GIN1: variants seen among roughly 807,000 people sequenced by gnomAD.
GIN1 encodes gypsy retrotransposon integrase-like protein 1.
In GIN1, 41 loss-of-function variants were observed where a neutral mutation model predicts 51.4. That is an observed-to-expected ratio of 0.80 (90% confidence interval 0.62 to 1.04). GIN1 has a LOEUF of 1.04. Among genes scored for constraint, GIN1 ranks in the 50% least tolerant of loss-of-function variants. GIN1 has a pLI of 0.00. For synonymous variants in GIN1, 222 were observed against 206.5 expected (o/e 1.07, Z -0.64); for missense variants, 610 against 612.4 (o/e 1.00, Z 0.04).
intron 4 of GIN1, among the ~76,000 whole-genome samples, chr5:103,100,069 A>C (rs1787526099): frequency 6.6e-6 from 1 of 151,896 alleles, no homozygotes. Flanking sequence ...AAGCAATCTC[A>C]CAAAATAGGC....
chr5:103,097,311 C>A lies in GIN1; in HGVS notation c.1008+3G>T. The A allele has an allele frequency of 6.5e-7, 1 of 1,546,096 alleles. No homozygotes were observed. The highest frequency in any genetic ancestry group is 8.9e-7 in the Non-Finnish European group (1 of 1,124,566). On this transcript the variant is annotated splice_donor_region_variant and intron_variant, in intron 6 of 7. Coordinates refer to ENST00000399004, the MANE Select transcript of GIN1 (RefSeq NM_017676.2). ...TTACAGTTTTTCTATTGAATAGAAT[C>A]ACCTGGCCCAGTGAAGTTGTCTTAT...
At chr5:103,113,912 T>C (rs1035984463) in intron 1 of GIN1, among the ~76,000 whole-genome samples, 3 of 152,230 alleles carry the variant, frequency 2.0e-5, no homozygotes, top group African/African-American at 7.2e-5. Context: ...ACCATGGCAC[T>C]AATGATATCT....
intron 7 of GIN1, among the ~76,000 whole-genome samples, chr5:103,094,154 A>T (rs1787330023): frequency 6.6e-6 from 1 of 152,130 alleles, no homozygotes; most frequent in African/African-American, 2.4e-5. Flanking sequence ...CAGCTCAAGG[A>T]CTCTTTCAAA....
chr5:103,094,248 T>C (rs1288040472), intron 7 of GIN1, among the ~76,000 whole-genome samples: 1 of 152,046 alleles, frequency 6.6e-6, no homozygotes, highest in Non-Finnish European at 1.5e-5. Flanking sequence ...ATGGCAGAAA[T>C]CACATTTACT....
At chr5:103,112,773 G>GT (rs1554197024) in intron 1 of GIN1, among the ~76,000 whole-genome samples, 1 of 152,000 alleles carries the variant, frequency 6.6e-6, no homozygotes, top group Non-Finnish European at 1.5e-5. Flanking sequence ...CTTTTTAATA[G>GT]TTTTTTGCCT....
intron 7 of GIN1, among the ~76,000 whole-genome samples, chr5:103,091,506 T>C (rs1554194530): frequency 6.6e-6 from 1 of 152,232 alleles, no homozygotes; most frequent in Non-Finnish European, 1.5e-5. Context: ...TAAGTATTTA[T>C]CTTTTCTCAT....
intron 7 of GIN1, among the ~76,000 whole-genome samples, chr5:103,093,967 G>A (rs1316332313): frequency 3.9e-5 from 6 of 152,180 alleles, no homozygotes; most frequent in Admixed American, 3.9e-4. Flanking sequence ...GGCAATAGAA[G>A]TATATCTACT....
intron 7 of GIN1, among the ~76,000 whole-genome samples, chr5:103,090,910 C>T (rs1787220053): frequency 6.6e-6 from 1 of 151,920 alleles, no homozygotes; most frequent in South Asian, 2.1e-4. Context: ...AACACACACA[C>T]ACACACACAC....
At chr5:103,107,327 T>C (rs1393852183) in intron 2 of GIN1, among the ~76,000 whole-genome samples, 1 of 144,668 alleles carries the variant, frequency 6.9e-6, no homozygotes, top group Admixed American at 6.9e-5. Context: ...AATAATGTTT[T>C]ATCATCACTG....
At position 103,108,655 on chromosome 5, in the gene GIN1, T is replaced by C. The variant is rs782355070; in HGVS notation, c.53A>G (p.Tyr18Cys). ...TGAATGATATTCACCAGTTCGTTTG[T>C]AATATGCAATCTGTTTAAGATGAAG... ...GDLHLKQIAY[Y>C]KRTGEYHSTT... Residue 18 changes from tyrosine (Y) to cysteine (C), a missense_variant, in exon 2 of 8, where the codon TAC becomes TGC. Transcript: ENST00000399004. 6.2e-7 allele frequency: 1 copy of C among 1,603,340 alleles called. No homozygotes were observed. The highest frequency in any genetic ancestry group is 2.2e-5 in the East Asian group (1 of 44,726).
Position 103,088,106 on chromosome 5 carries a change from G to C in GIN1, c.1361C>G (p.Pro454Arg). ...DHDYIGLPEI[P>R]IGAYQANILV... ...AATATTTGCTTGATATGCTCCAATC[G>C]GAATTTCAGGCAATCCAATGTAGTC... Residue 454 changes from proline (P) to arginine (R), a missense_variant, in exon 8 of 8, where the codon CCG (proline) becomes CGG (arginine). Coordinates refer to ENST00000399004, the MANE Select transcript of GIN1 (RefSeq NM_017676.2). 2 of 1,607,476 alleles carry C rather than the reference G, an allele frequency of 1.2e-6. No homozygotes were observed. The highest frequency in any genetic ancestry group is 1.7e-6 in the Non-Finnish European group (2 of 1,174,646).
At chr5:103,111,144 C>T (rs180785791) in intron 1 of GIN1, among the ~76,000 whole-genome samples, 2 of 152,104 alleles carry the variant, frequency 1.3e-5, no homozygotes, top group East Asian at 3.9e-4. Flanking sequence ...CATTTGCCTG[C>T]CTATCATTCT....
At chr5:103,118,144 TA>T (rs1335760052) in intron 1 of GIN1, among the ~76,000 whole-genome samples, 1 of 152,180 alleles carries the variant, frequency 6.6e-6, no homozygotes, top group African/African-American at 2.4e-5. Flanking sequence ...AAAGGAGAAT[TA>T]AAAATTATAG....
At chr5:103,097,208 A>G in intron 6 of GIN1, 106 bp downstream of exon 6, 1 of 681,060 alleles carries the variant, frequency 1.5e-6, no homozygotes, top group Non-Finnish European at 2.5e-6. Flanking sequence ...ATGGCAAGTA[A>G]GTATGTGTGT....
In GIN1 at chr5:103,086,329, G is replaced by C. The variant is rs1431610542; in HGVS notation, c.*1569C>G. On this transcript the variant is annotated 3_prime_UTR_variant, in exon 8 of 8. Transcript: ENST00000399004. Reference sequence around the variant, plus strand: ...TTGCAACAACCTCATTTCCAAATAAGGTCACATTTTGAGGTGGTGGGGGTT... The same window carrying C: ...TTGCAACAACCTCATTTCCAAATAACGTCACATTTTGAGGTGGTGGGGGTT... The C allele has an allele frequency of 6.6e-6, 1 of 152,110 alleles. No individual in the cohort carries two copies. The allele number at this position is 152,110 out of a possible 1,614,324, so 9.4% of individuals were successfully genotyped here.
At chr5:103,091,405 A>C (rs1554194520) in intron 7 of GIN1, among the ~76,000 whole-genome samples, 1 of 152,196 alleles carries the variant, frequency 6.6e-6, no homozygotes, top group Non-Finnish European at 1.5e-5. Flanking sequence ...ATATGATTAA[A>C]CTTTCTGCCC....
chr5:103,105,091 G>A (rs569364643), intron 3 of GIN1, among the ~76,000 whole-genome samples: 34 of 151,616 alleles, frequency 2.2e-4, no homozygotes, highest in African/African-American at 8.2e-4. Context: ...GGACTGTGAA[G>A]GTCAGCTTAT....
At chr5:103,100,407 T>A (rs34818) in intron 4 of GIN1, among the ~76,000 whole-genome samples, 43,861 of 149,496 alleles carry the variant, frequency 0.29, 6,520 homozygotes, top group East Asian at 0.45. Flanking sequence ...TATTATTATT[T>A]TTTTGAGACA....
intron 7 of GIN1, among the ~76,000 whole-genome samples, chr5:103,091,190 A>T (rs1787227780): frequency 6.6e-6 from 1 of 152,060 alleles, no homozygotes; most frequent in African/African-American, 2.4e-5. Flanking sequence ...CAGAAAAGAG[A>T]CTCTTGTGGC....
Sources: allele counts gnomAD v4.1 joint callset (sites outside exome capture counted in the v4.1 genomes callset), GRCh38; gene constraint gnomAD v4.1.1; transcripts MANE v1.5; gene names NCBI Gene and HGNC (gene_info 2026-07-23, HGNC 2026-07-21).